Variants in PLSCR4 observed in about 807,000 individuals in gnomAD.
PLSCR4 encodes Ca(2+)-dependent phospholipid scramblase 4.
A neutral mutation model predicts 36.3 loss-of-function variants in PLSCR4; 25 were observed. The ratio of observed to expected loss-of-function variants is 0.69; its 90% CI spans 0.50 to 0.96. The LOEUF (loss-of-function observed/expected upper bound fraction) is 0.96. Among genes scored for constraint, PLSCR4 ranks in the 40% least tolerant of loss-of-function variants. PLSCR4 has a pLI of 0.00. For missense variants in PLSCR4, 408 were observed against 414.7 expected (o/e 0.98, Z 0.14); for synonymous variants, 122 against 132.9 (o/e 0.92, Z 0.56).
intron 1 of PLSCR4, chr3:146,223,809 CAT>C (rs2035292348): frequency 6.8e-6 from 1 of 147,262 alleles, no homozygotes; most frequent in Admixed American, 6.8e-5. Context: ...TATTTTAAAA[CAT>C]ATATATTTAC....
At chr3:146,224,391 T>C (rs1381481509) in intron 1 of PLSCR4, among the ~76,000 whole-genome samples, 2 of 152,144 alleles carry the variant, frequency 1.3e-5, no homozygotes, top group South Asian at 2.1e-4. Flanking sequence ...GTGTCCAGAA[T>C]TGGTGGGTTC....
rs1434955069 is a variant in PLSCR4 at position 146,193,082 on chromosome 3, A to G, written c.*1329T>C. On this transcript the variant is annotated 3_prime_UTR_variant, in exon 9 of 9. Coordinates refer to ENST00000354952, the MANE Select transcript of PLSCR4 (RefSeq NM_020353.3). Reference sequence around the variant, plus strand: ...AAAAAAATGCAGTCCATATGCAGGTAGAAAACTAAAGTGCAACAGAAGCAA... The same window carrying G: ...AAAAAAATGCAGTCCATATGCAGGTGGAAAACTAAAGTGCAACAGAAGCAA... 6.6e-6 allele frequency: 1 copy of G among 152,150 alleles called. No homozygotes were observed. Among genetic ancestry groups the G allele is most frequent in the Non-Finnish European group, 1.5e-5 (1 of 68,010 alleles). The allele number at this position is 152,150 out of a possible 1,614,324, so 9.4% of individuals were successfully genotyped here.
At chr3:146,215,951 C>T (rs1036397711) in intron 3 of PLSCR4, among the ~76,000 whole-genome samples, 5 of 152,178 alleles carry the variant, frequency 3.3e-5, no homozygotes, top group African/African-American at 1.2e-4. Flanking sequence ...ACAGTCCCGG[C>T]TGGGCACTGT....
At chr3:146,210,500 C>T (rs1448744885) in intron 3 of PLSCR4, among the ~76,000 whole-genome samples, 1 of 152,056 alleles carries the variant, frequency 6.6e-6, no homozygotes, top group African/African-American at 2.4e-5. Flanking sequence ...TATACCAAGT[C>T]CTTCAAGATA....
At chr3:146,241,183 G>C (rs991152158) in intron 1 of PLSCR4, among the ~76,000 whole-genome samples, 5 of 152,168 alleles carry the variant, frequency 3.3e-5, no homozygotes, top group Non-Finnish European at 5.9e-5. Context: ...AAGAAGATGG[G>C]AAATGACTGT....
chr3:146,198,666 C>CA lies in PLSCR4; in HGVS notation c.624+1146dup, dbSNP rs1231959059. Reference sequence around the variant, plus strand: ...AAGTGATCCTCCCACCTCAGCCTCTCAAAGTGTTGGAATTACAGGTGTAAA... The same window carrying CA: ...AAGTGATCCTCCCACCTCAGCCTCTCAAAAGTGTTGGAATTACAGGTGTAAA... On this transcript the variant is annotated intron_variant, in intron 6 of 8. Coordinates refer to ENST00000354952, the MANE Select transcript of PLSCR4 (RefSeq NM_020353.3). Among the ~76,000 whole-genome samples, 6 of 152,042 alleles carry CA rather than the reference C, an allele frequency of 3.9e-5. No homozygotes were observed. In the East Asian group the frequency reaches 1.2e-3, roughly 29 times the overall value.
chr3:146,213,387 A>C (rs974609133), intron 3 of PLSCR4, among the ~76,000 whole-genome samples: 1 of 137,984 alleles, frequency 7.2e-6, no homozygotes, highest in Non-Finnish European at 1.5e-5. Flanking sequence ...GCTGGAGTAC[A>C]GTGGTGTGAT....
chr3:146,195,475 TAA>T (rs1273311128), intron 7 of PLSCR4, among the ~76,000 whole-genome samples, 193 bp from the exon 8 acceptor site: 3 of 152,190 alleles, frequency 2.0e-5, no homozygotes, highest in Admixed American at 6.5e-5. Flanking sequence ...AGGGTATTCT[TAA>T]AAGTCTCAGA....
chr3:146,244,872 C>T (rs1247637182), intron 1 of PLSCR4, among the ~76,000 whole-genome samples: 1 of 152,070 alleles, frequency 6.6e-6, no homozygotes, highest in East Asian at 1.9e-4. Flanking sequence ...AAAGCTAGGC[C>T]TAGATTCCTC....
chr3:146,194,548 C>T, intron 8 of PLSCR4, 93 bp from the exon 9 acceptor site: 1 of 760,244 alleles, frequency 1.3e-6, no homozygotes. Flanking sequence ...GGGATTCCCC[C>T]ATTCCAGTTA....
chr3:146,219,143 T>C (rs767192187), intron 3 of PLSCR4, among the ~76,000 whole-genome samples: 8 of 152,246 alleles, frequency 5.3e-5, no homozygotes, highest in Non-Finnish European at 1.2e-4. Context: ...AATTCATTAG[T>C]TGTGTGGTCT....
intron 1 of PLSCR4, among the ~76,000 whole-genome samples, chr3:146,244,680 T>C (rs1411572282): frequency 6.6e-6 from 1 of 152,078 alleles, no homozygotes; most frequent in Non-Finnish European, 1.5e-5. Flanking sequence ...ATCTCTCCCC[T>C]TATTCTAGGA....
intron 4 of PLSCR4, among the ~76,000 whole-genome samples, chr3:146,202,695 T>C (rs2034112782): frequency 6.6e-6 from 1 of 152,098 alleles, no homozygotes; most frequent in Non-Finnish European, 1.5e-5. Flanking sequence ...TTTAGTACTT[T>C]ACCACAGTAG....
chr3:146,198,258 T>A (rs925793102), intron 6 of PLSCR4, among the ~76,000 whole-genome samples: 2 of 151,724 alleles, frequency 1.3e-5, no homozygotes, highest in African/African-American at 2.4e-5. Flanking sequence ...ATTGTGCTGA[T>A]GGAAACAGGA....
intron 1 of PLSCR4, among the ~76,000 whole-genome samples, chr3:146,233,611 A>G (rs1402523902): frequency 6.6e-6 from 1 of 152,234 alleles, no homozygotes; most frequent in Non-Finnish European, 1.5e-5. Context: ...GATATGAATT[A>G]GTAAACATCT....
chr3:146,218,574 A>G (rs1396363549), intron 3 of PLSCR4, among the ~76,000 whole-genome samples: 2 of 152,058 alleles, frequency 1.3e-5, no homozygotes, highest in African/African-American at 4.8e-5. Context: ...ATCCAGAGAT[A>G]AAAGAAGGAA....
rs138338377 is a variant in PLSCR4 at position 146,206,635 on chromosome 3, C to A, written c.245G>T (p.Arg82Leu). The A allele has an allele frequency of 1.2e-4, 196 of 1,613,440 alleles. No individual in the cohort carries two copies. The Middle Eastern group carries it at 5.9e-3, about 49-fold the overall frequency. Residue 82 changes from arginine (R) to leucine (L), a missense_variant, in exon 4 of 9, where the codon CGG becomes CTG. Arg to Leu is a moderately radical substitution (Grantham distance 102). Coordinates refer to ENST00000354952, the MANE Select transcript of PLSCR4 (RefSeq NM_020353.3). ...CATAGGATATTTGCCAGGCTGATAC[C>A]GGACAGGATGGATACCACCAACTGG... ...YQPVGGIHPV[R>L]YQPGKYPMPN...
chr3:146,244,076 T>G (rs942976495), intron 1 of PLSCR4, among the ~76,000 whole-genome samples: 9 of 152,180 alleles, frequency 5.9e-5, no homozygotes, highest in African/African-American at 2.2e-4. Context: ...TTGTGAGTAA[T>G]GTAAGAAAAT....
At chr3:146,230,730 G>C (rs1158255061) in intron 1 of PLSCR4, among the ~76,000 whole-genome samples, 1 of 152,134 alleles carries the variant, frequency 6.6e-6, no homozygotes, top group Non-Finnish European at 1.5e-5. Context: ...AGCAGTAAAA[G>C]GGTAAACAGT....
Sources: allele counts gnomAD v4.1 joint callset (sites outside exome capture counted in the v4.1 genomes callset), GRCh38; gene constraint gnomAD v4.1.1; transcripts MANE v1.5; gene names NCBI Gene and HGNC (gene_info 2026-07-23, HGNC 2026-07-21).